Variants in PGM5 observed in about 807,000 individuals in gnomAD.
PGM5 encodes phosphoglucomutase 5.
In PGM5, 23 loss-of-function variants were observed where a neutral mutation model predicts 59.2. That is an observed-to-expected ratio of 0.39 (90% CI 0.28 to 0.55). The LOEUF (loss-of-function observed/expected upper bound fraction) is 0.55, where lower values mean the gene tolerates loss of function less well. Ranked by LOEUF, PGM5 falls within the 20% of genes least tolerant of loss-of-function variation. The pLI is 0.66. For synonymous variants in PGM5, 214 were observed against 286.0 expected (o/e 0.75, Z 2.54); for missense variants, 574 against 748.3 (o/e 0.77, Z 2.72).
chr9:68,373,111 C>T (rs1448217071), intron 1 of PGM5, among the ~76,000 whole-genome samples: 80 of 147,114 alleles, frequency 5.4e-4, no homozygotes, highest in Non-Finnish European at 1.1e-3. Context: ...TTGACATCCA[C>T]AGAACTGGTC....
intron 2 of PGM5, among the ~76,000 whole-genome samples, chr9:68,378,650 C>T (rs559735465): frequency 1.1e-3 from 161 of 152,208 alleles, no homozygotes; most frequent in African/African-American, 3.7e-3. Flanking sequence ...CCCTGAAGGT[C>T]GTTGTCTAAA....
At position 68,407,935 on chromosome 9, in the gene PGM5, A is replaced by G. The variant is rs144771050; in HGVS notation, c.1043+15462A>G. ...AATATAACACCGGCTACTTTCTTTA[A>G]CAATTAACATCTCAACCCCAATTTA... On this transcript the variant is annotated intron_variant, in intron 6 of 10. Transcript: ENST00000396396. Among the ~76,000 whole-genome samples, 211 of 152,350 alleles carry G rather than the reference A, an allele frequency of 1.4e-3. 4 individuals carry two copies. In the East Asian group the frequency reaches 0.039, roughly 28 times the overall value.
intron 6 of PGM5, among the ~76,000 whole-genome samples, chr9:68,413,980 CATGAG>C (rs1286916000): frequency 6.6e-6 from 1 of 152,284 alleles, no homozygotes; most frequent in Non-Finnish European, 1.5e-5. Flanking sequence ...GTGTTTGGAT[CATGAG>C]ATGAGGACAG....
chr9:68,451,804 A>G (rs1258031785), intron 6 of PGM5, among the ~76,000 whole-genome samples: 1 of 152,194 alleles, frequency 6.6e-6, no homozygotes, highest in Non-Finnish European at 1.5e-5. Context: ...GGTGAGGCCA[A>G]TGGTGAGCTG....
chr9:68,525,546 G>C (rs1321968879), intron 10 of PGM5, among the ~76,000 whole-genome samples: 1 of 152,176 alleles, frequency 6.6e-6, no homozygotes, highest in African/African-American at 2.4e-5. Flanking sequence ...GATATTTAGT[G>C]ATGGTGCTGG....
At chr9:68,363,390 A>G (rs1346386442) in intron 1 of PGM5, among the ~76,000 whole-genome samples, 1 of 152,308 alleles carries the variant, frequency 6.6e-6, no homozygotes, top group Non-Finnish European at 1.5e-5. Context: ...AATGCAAATA[A>G]CCATAAGTGG....
At chr9:68,423,795 A>G (rs1006589106) in intron 6 of PGM5, among the ~76,000 whole-genome samples, 135 of 152,260 alleles carry the variant, frequency 8.9e-4, no homozygotes, top group African/African-American at 3.2e-3. Context: ...TCTGCATGGG[A>G]AAAGTGTGGT....
At chr9:68,406,708 A>ATG (rs1822824618) in intron 6 of PGM5, among the ~76,000 whole-genome samples, 2 of 78,808 alleles carry the variant, frequency 2.5e-5, no homozygotes, top group African/African-American at 5.2e-5. Context: ...ATATATATAT[A>ATG]TATATATATA....
chr9:68,396,204 C>T (rs1822496647), intron 6 of PGM5: 2 of 152,256 alleles, frequency 1.3e-5, no homozygotes, highest in African/African-American at 2.4e-5. Context: ...TTACTCTCCT[C>T]ATATTAAAGA....
At chr9:68,409,632 A>G (rs111564356) in intron 6 of PGM5, among the ~76,000 whole-genome samples, 126,052 of 139,832 alleles carry the variant, frequency 0.9, 57,377 homozygotes, top group Non-Finnish European at 0.97. Flanking sequence ...AGAACAAAAA[A>G]CCAAACACCG....
intron 7 of PGM5, among the ~76,000 whole-genome samples, 195 bp from the exon 8 acceptor site, chr9:68,479,223 T>C (rs1362711279): frequency 6.6e-6 from 1 of 152,224 alleles, no homozygotes; most frequent in African/African-American, 2.4e-5. Context: ...TTATTTTTTT[T>C]ACTATTTTAT....
chr9:68,523,270 G>A (rs1347893363), intron 10 of PGM5, among the ~76,000 whole-genome samples: 2 of 152,182 alleles, frequency 1.3e-5, no homozygotes, highest in Non-Finnish European at 2.9e-5. Context: ...AATAATTAGA[G>A]TACCTTAGAG....
Position 68,499,272 on chromosome 9 carries a change from C to T in PGM5, c.1525C>T (p.Leu509Phe). 1 of 1,614,180 alleles carries T rather than the reference C, an allele frequency of 6.2e-7. No homozygotes were observed. Among genetic ancestry groups the T allele is most frequent in the Admixed American group, 1.7e-5 (1 of 60,028 alleles). ...FSDASRLIFR[L>F]SSSSGVRATL... ...GGATGCATCACGGCTCATCTTCCGG[C>T]TCAGTTCCTCCAGTGGTGTGCGGGC... Residue 509 changes from leucine (L) to phenylalanine (F), a missense_variant, in exon 10 of 11, where the codon CTC becomes TTC. By Grantham distance (22) the Leu-to-Phe change is conservative (BLOSUM62 0). Around this residue, in one of 7 missense-constraint regions of PGM5, gnomAD observed 300 missense variants for 280.0 expected, o/e 1.07. Transcript: ENST00000396396.
chr9:68,402,025 G>A (rs1822685669), intron 6 of PGM5, among the ~76,000 whole-genome samples: 1 of 152,142 alleles, frequency 6.6e-6, no homozygotes, highest in South Asian at 2.1e-4. Context: ...CACTTTGGGA[G>A]GCTGAGGCAG....
intron 6 of PGM5, among the ~76,000 whole-genome samples, chr9:68,421,204 C>T (rs544289154): frequency 1.4e-4 from 22 of 152,298 alleles, no homozygotes; most frequent in Admixed American, 7.2e-4. Context: ...CCTAATCGGC[C>T]CTGTATCTCC....
intron 10 of PGM5, among the ~76,000 whole-genome samples, chr9:68,523,718 A>T (rs540766311): frequency 9.2e-5 from 14 of 152,262 alleles, no homozygotes; most frequent in Non-Finnish European, 1.6e-4. Flanking sequence ...TATGGTAATT[A>T]TCGTCATCCA....
chr9:68,376,175 C>T (rs1159472963), intron 1 of PGM5, among the ~76,000 whole-genome samples: 1 of 152,114 alleles, frequency 6.6e-6, no homozygotes, highest in Non-Finnish European at 1.5e-5. Flanking sequence ...GGCTGCTCAG[C>T]CCATGATGTT....
At position 68,475,184 on chromosome 9, in the gene PGM5, A is replaced by AT. The variant is rs782687667; in HGVS notation, c.1160-4212dup. Among the ~76,000 whole-genome samples, 661 of 112,776 alleles carry AT rather than the reference A, an allele frequency of 5.9e-3. 6 individuals are homozygous for AT. The highest frequency in any genetic ancestry group is 0.011 in the Middle Eastern group (2 of 190). The allele number at this position is 112,776 out of a possible 152,430, so 74.0% of individuals were successfully genotyped here. A position where few individuals can be genotyped will look rare whatever the true frequency, so the allele number is the denominator to read the frequency against. ...ATGTGTCTGCCATCATGCCTGGCTAATTTTTTTTTTTTTTTTTTTTTTGTA... is the reference window on the plus strand; with the variant it reads ...ATGTGTCTGCCATCATGCCTGGCTAATTTTTTTTTTTTTTTTTTTTTTTGTA... On this transcript the variant is annotated intron_variant, in intron 7 of 10. Transcript: ENST00000396396.
At chr9:68,498,903 G>A (rs1367252207) in intron 9 of PGM5, 3 of 274,426 alleles carry the variant, frequency 1.1e-5, no homozygotes, top group Non-Finnish European at 2.1e-5. Context: ...AATATTTATT[G>A]AATATCATTT....
Sources: gnomAD v4.1 joint callset for allele counts (sites outside exome capture counted in the v4.1 genomes callset) on GRCh38, gnomAD v4.1.1 for gene constraint, gnomAD v4.1.1 regional missense constraint, MANE v1.5 for transcripts, NCBI Gene and HGNC (gene_info 2026-07-23, HGNC 2026-07-21) for gene names.